The following CDK14 variants were observed in gnomAD, a reference collection of about 807,000 sequenced individuals.
CDK14 encodes the protein cyclin-dependent kinase 14.
CDK14 carries 34 observed loss-of-function variants against 60.7 expected under a neutral mutation model. The ratio of observed to expected loss-of-function variants is 0.56; its 90% CI spans 0.43 to 0.75. The LOEUF (loss-of-function observed/expected upper bound fraction) is 0.75. Among genes scored for constraint, CDK14 ranks in the 30% least tolerant of loss-of-function variants. CDK14 has a pLI of 0.00. For missense variants in CDK14, 482 were observed against 564.1 expected (o/e 0.85, Z 1.47); for synonymous variants, 197 against 203.7 (o/e 0.97, Z 0.28).
At chr7:90,843,191 T>G (rs1162195668) in intron 5 of CDK14, among the ~76,000 whole-genome samples, 3 of 152,192 alleles carry the variant, frequency 2.0e-5, no homozygotes, top group Non-Finnish European at 2.9e-5. Context: ...CACCCAATAC[T>G]GCTAGTTCTC....
At chr7:90,803,032 T>TA (rs1166085484) in intron 5 of CDK14, among the ~76,000 whole-genome samples, 1 of 152,170 alleles carries the variant, frequency 6.6e-6, no homozygotes, top group African/African-American at 2.4e-5. Context: ...CAGACTTTAA[T>TA]ACGCTGTTTG....
At chr7:91,073,608 T>G (rs1282641621) in intron 11 of CDK14, among the ~76,000 whole-genome samples, 5 of 151,838 alleles carry the variant, frequency 3.3e-5, no homozygotes, top group African/African-American at 1.2e-4. Context: ...GTGTGCAAAA[T>G]AACCAGATAG....
rs1382761354 is a variant in CDK14 at position 90,829,059 on chromosome 7, G to A, written c.545-34116G>A. ...GCAGCAGGAGAGAGAAACAGAGAGT[G>A]AAGCGGGAAGTGCCACACTTTTAAA... On this transcript the variant is annotated intron_variant, in intron 5 of 14. Coordinates refer to ENST00000380050, the MANE Select transcript of CDK14 (RefSeq NM_001287135.2). 3.9e-5 allele frequency among the ~76,000 whole-genome samples: 6 copies of A among 152,172 alleles called. No homozygotes were observed. The South Asian group carries it at 1.0e-3, about 26-fold the overall frequency.
chr7:91,176,974 T>C (rs1379024509), intron 14 of CDK14, among the ~76,000 whole-genome samples: 12 of 151,986 alleles, frequency 7.9e-5, no homozygotes, highest in South Asian at 2.1e-4. Flanking sequence ...CCAGCATCAT[T>C]CTGATACCAA....
intron 9 of CDK14, among the ~76,000 whole-genome samples, chr7:90,956,660 A>T (rs34233368): frequency 0.052 from 7,873 of 152,094 alleles, 300 homozygotes; most frequent in Non-Finnish European, 0.078. Flanking sequence ...CATGTGCACA[A>T]TGTGAAGGTT....
rs10647062 is a variant in CDK14 at position 90,769,470 on chromosome 7, C to CTTTTTTTTT, written c.465-21100_465-21099insTTTTTTTTT. On this transcript the variant is annotated intron_variant, in intron 4 of 14. Transcript: ENST00000380050. ...GACTTCTGTGATTTCTTTCTCTTTT[C>CTTTTTTTTT]TTTCTTTTTTTTTTTGACTGAGCCC... 2.1e-5 allele frequency among the ~76,000 whole-genome samples: 3 copies of CTTTTTTTTT among 144,178 alleles called. 1 individual carries two copies. The allele number at this position is 144,178 out of a possible 152,430, so 94.6% of individuals were successfully genotyped here.
Position 90,665,768 on chromosome 7 carries a change from G to A in CDK14, c.124-60799G>A, listed in dbSNP as rs75242008. ...TTGCAGCCCCTAATAGCAATAGTTA[G>A]AGGAGTAGTAGTATTCCATAAGTGA... is the stretch of plus-strand genomic sequence containing the variant. On this transcript the variant is annotated intron_variant, in intron 2 of 14. Transcript: ENST00000380050. Among the ~76,000 whole-genome samples, 139 of 152,304 alleles carry A rather than the reference G, an allele frequency of 9.1e-4. 1 individual carries two copies. The highest frequency in any genetic ancestry group is 1.6e-3 in the Non-Finnish European group (108 of 68,028).
intron 3 of CDK14, among the ~76,000 whole-genome samples, chr7:90,745,390 G>A (rs186658386): frequency 7.2e-5 from 11 of 152,082 alleles, no homozygotes; most frequent in Admixed American, 1.3e-4. Flanking sequence ...TTTTTGCACC[G>A]ATTACAATCT....
intron 12 of CDK14, among the ~76,000 whole-genome samples, chr7:91,080,497 G>A (rs1272993315): frequency 5.3e-5 from 8 of 152,140 alleles, no homozygotes; most frequent in Non-Finnish European, 1.0e-4. Context: ...GGCTTTGCAT[G>A]TGCCATTTGA....
Position 90,596,792 on chromosome 7 carries a change from C to T in CDK14, c.91+74C>T. On this transcript the variant is annotated intron_variant, in intron 1 of 14. Transcript: ENST00000380050. ...CTGCGCCCCCGCCGCGTTCCTGGCA[C>T]CAGCCATGCAGCTGCCAGCGGGGCT... 4 of 1,272,694 alleles carry T rather than the reference C, an allele frequency of 3.1e-6. No homozygotes were observed. The South Asian group carries it at 3.7e-5, about 12-fold the overall frequency. 78.8% of individuals were successfully genotyped at this position (1,272,694 alleles called of 1,614,324 possible).
At chr7:90,841,659 T>TACACACACACACACAC (rs57434660) in intron 5 of CDK14, among the ~76,000 whole-genome samples, 11,762 of 139,180 alleles carry the variant, frequency 0.085, 588 homozygotes, top group Non-Finnish European at 0.1. Context: ...TATATATATG[T>TACACACACACACACAC]ACACACACAC....
chr7:91,196,550 A>G (rs960677359), intron 14 of CDK14, among the ~76,000 whole-genome samples: 2 of 152,270 alleles, frequency 1.3e-5, no homozygotes, highest in African/African-American at 4.8e-5. Flanking sequence ...TTCAGGCAAC[A>G]CTTGTACTTC....
chr7:90,911,262 G>C (rs1351774505), intron 7 of CDK14, among the ~76,000 whole-genome samples: 2 of 152,110 alleles, frequency 1.3e-5, no homozygotes, highest in Admixed American at 6.6e-5. Context: ...TTCCATTTCT[G>C]TTATTCATAA....
chr7:90,936,147 G>A (rs981616432), intron 8 of CDK14, among the ~76,000 whole-genome samples: 3 of 151,582 alleles, frequency 2.0e-5, no homozygotes, highest in Non-Finnish European at 2.9e-5. Context: ...ATGTACTTAC[G>A]TAACAATATA....
chr7:90,918,404 C>T (rs1793147403), intron 8 of CDK14, among the ~76,000 whole-genome samples: 1 of 152,170 alleles, frequency 6.6e-6, no homozygotes, highest in Non-Finnish European at 1.5e-5. Context: ...TGTCTTCTTC[C>T]AGCATAGAAG....
chr7:90,989,953 G>A (rs1425362229), intron 10 of CDK14, among the ~76,000 whole-genome samples: 1 of 152,152 alleles, frequency 6.6e-6, no homozygotes, highest in Non-Finnish European at 1.5e-5. Flanking sequence ...AGATTTTGAA[G>A]TGAAAATAAG....
At chr7:90,796,788 G>A (rs1788451476) in intron 5 of CDK14, among the ~76,000 whole-genome samples, 1 of 150,530 alleles carries the variant, frequency 6.6e-6, no homozygotes, top group South Asian at 2.1e-4. Context: ...GTCTTGTTGG[G>A]AATGTGGGAG....
intron 2 of CDK14, chr7:90,710,129 T>C (rs536154620): frequency 1.0e-6 from 1 of 983,344 alleles, no homozygotes; most frequent in South Asian, 4.7e-5. Context: ...ATAAAGGGGG[T>C]ATTTAAATTA....
chr7:90,617,893 T>C (rs142658852), intron 2 of CDK14, among the ~76,000 whole-genome samples: 1 of 152,300 alleles, frequency 6.6e-6, no homozygotes, highest in African/African-American at 2.4e-5. Context: ...ATGGACCACC[T>C]TGTGATATAC....
Sources: gnomAD v4.1 joint callset for allele counts (sites outside exome capture counted in the v4.1 genomes callset) on GRCh38, gnomAD v4.1.1 for gene constraint, MANE v1.5 for transcripts, NCBI Gene and HGNC (gene_info 2026-07-23, HGNC 2026-07-21) for gene names.